GRIK2: variants seen among roughly 807,000 people sequenced by gnomAD.
The protein encoded by GRIK2 is glutamate ionotropic receptor kainate type subunit 2, also known as glutamate receptor ionotropic, kainate 2.
Under a neutral mutation model 100.3 loss-of-function variants are expected in GRIK2, and 32 were observed. The ratio of observed to expected loss-of-function variants is 0.32; its 90% CI spans 0.24 to 0.43. The LOEUF is 0.43. Among genes scored for constraint, GRIK2 ranks in the 20% least tolerant of loss-of-function variants. GRIK2 has a pLI of 1.00. For synonymous variants in GRIK2, 417 were observed against 389.4 expected (o/e 1.07, Z -0.83); for missense variants, 843 against 1,114.9 (o/e 0.76, Z 3.47).
At chr6:101,794,067 C>T (rs867358131) in intron 7 of GRIK2, among the ~76,000 whole-genome samples, 2 of 152,148 alleles carry the variant, frequency 1.3e-5, no homozygotes, top group South Asian at 2.1e-4. Context: ...GTCAGAAAAG[C>T]GCAGTATTCG....
intron 7 of GRIK2, among the ~76,000 whole-genome samples, chr6:101,724,694 A>G (rs1443777897): frequency 6.6e-6 from 1 of 152,054 alleles, no homozygotes; most frequent in Non-Finnish European, 1.5e-5. Context: ...GGAGGCATTA[A>G]TGAAAGATGG....
At chr6:101,928,786 A>T (rs745937987) in intron 14 of GRIK2, among the ~76,000 whole-genome samples, 154 bp downstream of exon 14, 3 of 152,150 alleles carry the variant, frequency 2.0e-5, no homozygotes, top group Admixed American at 6.5e-5. Flanking sequence ...GTACAACTGA[A>T]CGTATGCTCA....
intron 14 of GRIK2, among the ~76,000 whole-genome samples, chr6:102,005,119 G>C (rs1243504716): frequency 6.7e-6 from 1 of 149,144 alleles, no homozygotes; most frequent in Non-Finnish European, 1.5e-5. Flanking sequence ...AGAATAGAAG[G>C]ATAATATTTC....
intron 2 of GRIK2, among the ~76,000 whole-genome samples, chr6:101,507,540 A>G (rs562077177): frequency 6.6e-6 from 1 of 152,308 alleles, no homozygotes; most frequent in African/African-American, 2.4e-5. Flanking sequence ...AGATGAACAT[A>G]TAGTTTATTC....
intron 2 of GRIK2, among the ~76,000 whole-genome samples, chr6:101,472,110 G>C (rs1771976340): frequency 1.3e-5 from 2 of 151,736 alleles, no homozygotes; most frequent in Admixed American, 6.6e-5. Flanking sequence ...ATTTGCCATA[G>C]AGCAATAATT....
Position 102,019,856 on chromosome 6 carries a change from G to A in GRIK2, c.2086-15485G>A, listed in dbSNP as rs149850989. 5.0e-3 allele frequency among the ~76,000 whole-genome samples: 762 copies of A among 151,942 alleles called. 5 individuals carry two copies. Among genetic ancestry groups the A allele is most frequent in the African/African-American group, 0.017 (718 of 41,488 alleles). On this transcript the variant is annotated intron_variant, in intron 14 of 16. Coordinates refer to ENST00000369134, the MANE Select transcript of GRIK2 (RefSeq NM_021956.5). ...GCTTCTAGATCTCCTACTATGAAATGTCTAATGGTTGTCTATTTCATATTT... is the reference window on the plus strand; with the variant it reads ...GCTTCTAGATCTCCTACTATGAAATATCTAATGGTTGTCTATTTCATATTT...
rs369459574 is a variant in GRIK2, at chr6:102,051,251, C to CCCTTCCTTCCTTCCTT, written c.2312-4032_2312-4017dup. Among the ~76,000 whole-genome samples, 249 of 122,096 alleles carry CCCTTCCTTCCTTCCTT rather than the reference C, an allele frequency of 2.0e-3. 1 individual carries two copies. The highest frequency in any genetic ancestry group is 4.1e-3 in the Middle Eastern group (1 of 244). The allele number at this position is 122,096 out of a possible 152,430, so 80.1% of individuals were successfully genotyped here. On this transcript the variant is annotated intron_variant, in intron 15 of 16. Coordinates refer to ENST00000369134, the MANE Select transcript of GRIK2 (RefSeq NM_021956.5). Reference sequence around the variant, plus strand: ...ACTATGACTGCCTGCTTCCCTCCCTCCCTTCCTTCCTTCCTTCCTTCCTTC... The same window carrying CCCTTCCTTCCTTCCTT: ...ACTATGACTGCCTGCTTCCCTCCCTCCCTTCCTTCCTTCCTTCCTTCCTTCCTTCCTTCCTTCCTTC...
intron 14 of GRIK2, among the ~76,000 whole-genome samples, chr6:101,963,509 C>CTTTTTTTTTTTT (rs770178884): frequency 7.4e-3 from 789 of 106,020 alleles, no homozygotes; most frequent in Non-Finnish European, 1.0e-2. Flanking sequence ...TTCTTTCTTT[C>CTTTTTTTTTTTT]TTTTTTTTTT....
At chr6:101,535,633 A>T (rs956713558) in intron 2 of GRIK2, among the ~76,000 whole-genome samples, 1 of 151,704 alleles carries the variant, frequency 6.6e-6, no homozygotes, top group African/African-American at 2.4e-5. Flanking sequence ...TAGTATGAAA[A>T]ATTTAAAAAG....
intron 4 of GRIK2, among the ~76,000 whole-genome samples, chr6:101,631,782 T>C (rs1321942809): frequency 2.0e-5 from 3 of 152,144 alleles, no homozygotes; most frequent in Non-Finnish European, 4.4e-5. Context: ...CTCTGTCAGC[T>C]GGATGATTAA....
intron 7 of GRIK2, among the ~76,000 whole-genome samples, chr6:101,696,106 GAC>G (rs1464650349): frequency 6.6e-6 from 1 of 151,900 alleles, no homozygotes. Context: ...AAAAACAAAT[GAC>G]ACACGTAACT....
chr6:101,873,190 C>T lies in GRIK2; in HGVS notation c.1524+13697C>T, dbSNP rs1785549902. Reference sequence around the variant, plus strand: ...ATACATGTGCCACGTTGGTGTGCTGCACCCATTAACTCCTCATTTACATTA... The same window carrying T: ...ATACATGTGCCACGTTGGTGTGCTGTACCCATTAACTCCTCATTTACATTA... On this transcript the variant is annotated intron_variant, in intron 11 of 16. Coordinates refer to ENST00000369134, the MANE Select transcript of GRIK2 (RefSeq NM_021956.5). Among the ~76,000 whole-genome samples the T allele has an allele frequency of 2.0e-5, 3 of 151,828 alleles. No individual in the cohort carries two copies. The South Asian group carries it at 6.2e-4, about 32-fold the overall frequency.
chr6:101,840,670 A>G (rs1016167807), intron 10 of GRIK2, among the ~76,000 whole-genome samples: 2 of 152,208 alleles, frequency 1.3e-5, no homozygotes, highest in Non-Finnish European at 2.9e-5. Flanking sequence ...AGGTGTTTAT[A>G]TATAGTGACA....
chr6:101,798,426 A>G (rs553930328), intron 7 of GRIK2, among the ~76,000 whole-genome samples: 11 of 152,216 alleles, frequency 7.2e-5, no homozygotes, highest in Admixed American at 6.6e-4. Flanking sequence ...AGTAGAATTT[A>G]TAAAATGAAG....
intron 2 of GRIK2, among the ~76,000 whole-genome samples, chr6:101,424,380 T>C (rs1180792864): frequency 6.6e-6 from 1 of 150,742 alleles, no homozygotes; most frequent in Non-Finnish European, 1.5e-5. Context: ...CCATGTGTTC[T>C]CATTGTTCAA....
At chr6:101,478,876 G>A (rs1772390652) in intron 2 of GRIK2, among the ~76,000 whole-genome samples, 1 of 151,768 alleles carries the variant, frequency 6.6e-6, no homozygotes, top group African/African-American at 2.4e-5. Flanking sequence ...ACATTCTTTG[G>A]TCATATTTAG....
chr6:101,539,021 AAAAG>A (rs1393562348), intron 2 of GRIK2, among the ~76,000 whole-genome samples: 6 of 151,654 alleles, frequency 4.0e-5, no homozygotes, highest in African/African-American at 9.7e-5. Context: ...TGTTGAAAAA[AAAAG>A]AGAATTTCAG....
At chr6:101,820,122 T>C (rs1376816770) in intron 10 of GRIK2, among the ~76,000 whole-genome samples, 2 of 152,224 alleles carry the variant, frequency 1.3e-5, no homozygotes, top group Non-Finnish European at 2.9e-5. Context: ...TGCTCTGCAA[T>C]ATGCTTATCT....
At chr6:101,414,603 T>C (rs1776029884) in intron 2 of GRIK2, among the ~76,000 whole-genome samples, 2 of 152,206 alleles carry the variant, frequency 1.3e-5, no homozygotes, top group Admixed American at 6.5e-5. Flanking sequence ...GGGTCTATGC[T>C]GTTTCCAGCT....
Sources: gnomAD v4.1 joint callset for allele counts (sites outside exome capture counted in the v4.1 genomes callset) on GRCh38, gnomAD v4.1.1 for gene constraint, MANE v1.5 for transcripts, NCBI Gene and HGNC (gene_info 2026-07-23, HGNC 2026-07-21) for gene names.